KCNAB1: variants seen among roughly 807,000 people sequenced by gnomAD.
KCNAB1 encodes the protein potassium voltage-gated channel subfamily A regulatory beta subunit 1, also known as voltage-gated potassium channel subunit beta-1.
In KCNAB1, 35 loss-of-function variants were observed where a neutral mutation model predicts 64.6. That is an observed-to-expected ratio of 0.54 (90% confidence interval 0.41 to 0.72). KCNAB1 has a LOEUF of 0.72. Ranked by LOEUF, KCNAB1 falls within the 30% of genes least tolerant of loss-of-function variation. The pLI is 0.00. For missense variants in KCNAB1, 401 were observed against 512.9 expected, an observed-to-expected ratio of 0.78 and a Z score of 2.11; for synonymous variants, 177 against 183.8, an observed-to-expected ratio of 0.96 and a Z score of 0.30.
At chr3:156,138,814 A>G (rs1486655788) in intron 1 of KCNAB1, among the ~76,000 whole-genome samples, 1 of 152,208 alleles carries the variant, frequency 6.6e-6, no homozygotes, top group Admixed American at 6.5e-5. Flanking sequence ...GTCCAAGGTC[A>G]CACTATTGTT....
chr3:156,498,078 A>C (rs1478803134), intron 8 of KCNAB1, among the ~76,000 whole-genome samples: 1 of 152,198 alleles, frequency 6.6e-6, no homozygotes, highest in Non-Finnish European at 1.5e-5. Context: ...AAGCAAGTCA[A>C]ACATCAGATT....
At chr3:156,184,028 C>T (rs569289255) in intron 1 of KCNAB1, among the ~76,000 whole-genome samples, 1 of 152,302 alleles carries the variant, frequency 6.6e-6, no homozygotes, top group Admixed American at 6.5e-5. Context: ...AGTTAGTATA[C>T]ATAACGACCA....
intron 1 of KCNAB1, among the ~76,000 whole-genome samples, chr3:156,165,956 G>C (rs1292281124): frequency 6.6e-6 from 1 of 152,148 alleles, no homozygotes; most frequent in Non-Finnish European, 1.5e-5. Context: ...GGGATTCTAA[G>C]GCTGTGCTCA....
chr3:156,245,032 A>T (rs1210088713), intron 1 of KCNAB1, among the ~76,000 whole-genome samples: 2 of 152,186 alleles, frequency 1.3e-5, no homozygotes, highest in Non-Finnish European at 2.9e-5. Flanking sequence ...CACTGTTTCT[A>T]AAAGGGTCAT....
chr3:156,330,318 T>C (rs532208581), intron 1 of KCNAB1, among the ~76,000 whole-genome samples: 1 of 152,190 alleles, frequency 6.6e-6, no homozygotes, highest in African/African-American at 2.4e-5. Context: ...TTTCTTCCCA[T>C]TAAAAAAGAA....
chr3:156,158,175 ATAAAAAAT>A (rs201792206), intron 1 of KCNAB1, among the ~76,000 whole-genome samples: 23,755 of 112,622 alleles, frequency 0.21, 3,172 homozygotes, highest in Middle Eastern at 0.29. Context: ...AAAAAAAAAA[ATAAAAAAT>A]AAATAAATAA....
intron 1 of KCNAB1, among the ~76,000 whole-genome samples, chr3:156,240,970 A>G (rs1174388134): frequency 6.6e-6 from 1 of 152,244 alleles, no homozygotes; most frequent in Non-Finnish European, 1.5e-5. Flanking sequence ...TGTAAAACTC[A>G]TAATTCAGTG....
At position 156,230,516 on chromosome 3, in the gene KCNAB1, G is replaced by A. The variant is rs149727891; in HGVS notation, c.275+109630G>A. On this transcript the variant is annotated intron_variant, in intron 1 of 13. Coordinates refer to ENST00000490337, the MANE Select transcript of KCNAB1 (RefSeq NM_172160.3). ...TATCTCTGTTGCTAAGCAACATATGGCTGCATTTATTCAGAGATAGATTGT... is the reference window on the plus strand; with the variant it reads ...TATCTCTGTTGCTAAGCAACATATGACTGCATTTATTCAGAGATAGATTGT... 4.7e-3 allele frequency among the ~76,000 whole-genome samples: 710 copies of A among 152,276 alleles called. 8 individuals are homozygous for A. Among genetic ancestry groups the A allele is most frequent in the African/African-American group, 0.016 (677 of 41,560 alleles).
At chr3:156,526,666 C>T (rs1337540878) in intron 12 of KCNAB1, among the ~76,000 whole-genome samples, 2 of 152,152 alleles carry the variant, frequency 1.3e-5, no homozygotes, top group Non-Finnish European at 2.9e-5. Context: ...ATAGTAAGCA[C>T]CTCAGGCTCA....
intron 1 of KCNAB1, among the ~76,000 whole-genome samples, chr3:156,188,968 T>C (rs1046662751): frequency 3.3e-5 from 5 of 152,180 alleles, no homozygotes; most frequent in African/African-American, 9.6e-5. Context: ...GCTTTGCCGC[T>C]GCTGCTGGAG....
chr3:156,415,679 C>T (rs146321505), intron 1 of KCNAB1, among the ~76,000 whole-genome samples: 86 of 152,298 alleles, frequency 5.6e-4, no homozygotes, highest in African/African-American at 2.0e-3. Context: ...CCATGTACAC[C>T]TTTGCCGCCC....
Position 156,234,419 on chromosome 3 carries a change from G to T in KCNAB1, c.275+113533G>T, listed in dbSNP as rs1716733416. The stretch of plus-strand genomic sequence containing the variant: ...TTAGGAGCCAGAACATAAGCAGAAG[G>T]CTTAACCCTACCTAGATGCAGGACA... On this transcript the variant is annotated intron_variant, in intron 1 of 13. Transcript: ENST00000490337. Among the ~76,000 whole-genome samples, 4 of 152,112 alleles carry T rather than the reference G, an allele frequency of 2.6e-5. No individual in the cohort carries two copies. The South Asian group carries it at 8.3e-4, about 32-fold the overall frequency.
At chr3:156,446,109 T>C (rs919841035) in intron 2 of KCNAB1, 4 of 152,192 alleles carry the variant, frequency 2.6e-5, no homozygotes, top group Non-Finnish European at 1.5e-5. Context: ...GAAAAATAAG[T>C]AGAATTTGGA....
chr3:156,433,973 G>A (rs573149070), intron 2 of KCNAB1, among the ~76,000 whole-genome samples: 5 of 152,150 alleles, frequency 3.3e-5, no homozygotes, highest in Non-Finnish European at 7.3e-5. Flanking sequence ...CTACCATCTG[G>A]CATGGCTCTG....
chr3:156,335,116 G>C (rs955653927), intron 1 of KCNAB1, among the ~76,000 whole-genome samples: 1 of 152,190 alleles, frequency 6.6e-6, no homozygotes, highest in African/African-American at 2.4e-5. Flanking sequence ...TCTCCCTCCT[G>C]CTGGCATCTG....
At chr3:156,399,600 G>A (rs1713738647) in intron 1 of KCNAB1, among the ~76,000 whole-genome samples, 1 of 152,158 alleles carries the variant, frequency 6.6e-6, no homozygotes. Context: ...TTGACAACAC[G>A]GCCTATGAGA....
intron 1 of KCNAB1, among the ~76,000 whole-genome samples, chr3:156,264,365 CTATGAAGGTTTAATGCATTTATTGA>C (rs1322641826): frequency 1.4e-4 from 21 of 151,936 alleles, no homozygotes; most frequent in African/African-American, 5.1e-4. Flanking sequence ...TTCATTTAGA[CTATGAAGGTTTAATGCATTTATTGA>C]TATGATTTAA....
At chr3:156,395,714 T>C (rs1713418526) in intron 1 of KCNAB1, among the ~76,000 whole-genome samples, 1 of 152,238 alleles carries the variant, frequency 6.6e-6, no homozygotes, top group East Asian at 1.9e-4. Context: ...TCTGGATTTA[T>C]AGTGAACATT....
chr3:156,120,756 C>A lies in KCNAB1; in HGVS notation c.145C>A (p.Pro49Thr), dbSNP rs1423861162. Residue 49 changes from proline (P) to threonine (T), a missense_variant, in exon 1 of 14, where the codon CCC becomes ACC. Physicochemically the swap from Pro to Thr is conservative, Grantham distance 38. Coordinates refer to ENST00000490337, the MANE Select transcript of KCNAB1 (RefSeq NM_172160.3). ...AAACGCTAAAGACAGCAGCCTTAGTCCCTCAGGGGAAAGCCAGCTCAGGGC... is the reference window on the plus strand; with the variant it reads ...AAACGCTAAAGACAGCAGCCTTAGTACCTCAGGGGAAAGCCAGCTCAGGGC... ...SENAKDSSLS[P>T]SGESQLRARQ... 6.8e-6 allele frequency: 11 copies of A among 1,613,782 alleles called. No homozygotes were observed. The highest frequency in any genetic ancestry group is 1.3e-5 in the African/African-American group (1 of 74,930).
Sources: gnomAD v4.1 joint callset for allele counts (sites outside exome capture counted in the v4.1 genomes callset) on GRCh38, gnomAD v4.1.1 for gene constraint, MANE v1.5 for transcripts, NCBI Gene and HGNC (gene_info 2026-07-23, HGNC 2026-07-21) for gene names.